SLC67A1: variants seen among roughly 807,000 people sequenced by gnomAD.
The protein encoded by SLC67A1 is solute carrier family 67 member 1.
chr11:2,919,358 A>G, the SLC67A1 span: 1 of 1,613,746 alleles, frequency 6.2e-7, no homozygotes, highest in African/African-American at 1.3e-5. Flanking sequence ...TTCCAGCTGG[A>G]GGCCGCCCAA....
At chr11:2,910,652 G>A in the SLC67A1 span, among the ~76,000 whole-genome samples, 202 of 152,258 alleles carry the variant, frequency 1.3e-3, no homozygotes, top group African/African-American at 4.5e-3. Flanking sequence ...TGTGCCGGCC[G>A]AGGTGGGGGA....
At chr11:2,912,518 C>T in the SLC67A1 span, among the ~76,000 whole-genome samples, 1 of 151,528 alleles carries the variant, frequency 6.6e-6, no homozygotes, top group Non-Finnish European at 1.5e-5. Flanking sequence ...GGCTTTCCCT[C>T]CCTGCCCACC....
chr11:2,919,390 T>C, the SLC67A1 span: 1 of 1,613,664 alleles, frequency 6.2e-7, no homozygotes, highest in East Asian at 2.2e-5. Context: ...CATGTCCTTC[T>C]TCGGGCTCCT....
chr11:2,925,137 C>A, the SLC67A1 span: 19 of 1,613,764 alleles, frequency 1.2e-5, no homozygotes, highest in Middle Eastern at 3.3e-4. This position sits in a 1 kb window ranked among gnomAD's most constrained non-coding sequence, Gnocchi z 6.5. Context: ...CTATCAATAC[C>A]CTTGTCCTCC....
At chr11:2,903,375 G>C in the SLC67A1 span, 1 of 1,612,914 alleles carries the variant, frequency 6.2e-7, no homozygotes, top group African/African-American at 1.3e-5. Flanking sequence ...CCAGGGACCA[G>C]GGCCGGTCCC....
At chr11:2,903,763 A>T in the SLC67A1 span, 1 of 511,408 alleles carries the variant, frequency 2.0e-6, no homozygotes, top group Non-Finnish European at 3.5e-6. Flanking sequence ...ACCTCCTCAA[A>T]CCTTCCTAGC....
the SLC67A1 span, among the ~76,000 whole-genome samples, chr11:2,900,692 C>CAAAAAAAAAAAAAAAAAAAAAAAA: frequency 1.7e-5 from 1 of 59,640 alleles, no homozygotes; most frequent in Non-Finnish European, 3.1e-5. Context: ...GACTCCGTCT[C>CAAAAAAAAAAAAAAAAAAAAAAAA]AAAAAAAAAA....
chr11:2,904,817 A>G, the SLC67A1 span, among the ~76,000 whole-genome samples: 1 of 152,206 alleles, frequency 6.6e-6, no homozygotes, highest in African/African-American at 2.4e-5. Flanking sequence ...GGAAGGAAGC[A>G]GGAGAGGCCC....
the SLC67A1 span, chr11:2,909,177 C>G: frequency 6.7e-7 from 1 of 1,492,334 alleles, no homozygotes; most frequent in African/African-American, 1.4e-5. Flanking sequence ...GAGGGTCCGA[C>G]CCGCCCCTCG....
At chr11:2,910,527 G>A in the SLC67A1 span, among the ~76,000 whole-genome samples, 343 of 152,238 alleles carry the variant, frequency 2.3e-3, no homozygotes, top group Middle Eastern at 0.01. Flanking sequence ...CCAGGGGGCC[G>A]TGTGGCTGGA....
the SLC67A1 span, chr11:2,915,299 GCA>G: frequency 5.5e-6 from 5 of 909,796 alleles, no homozygotes; most frequent in African/African-American, 1.8e-5. Flanking sequence ...GTGTGTGTGC[GCA>G]TGTGGCTGCG....
the SLC67A1 span, among the ~76,000 whole-genome samples, chr11:2,917,484 G>A: frequency 3.3e-5 from 5 of 152,324 alleles, no homozygotes; most frequent in South Asian, 2.1e-4. Context: ...TCGGTGAGCC[G>A]GGCTGGGGGC....
At chr11:2,915,323 C>A in the SLC67A1 span, 3 of 821,382 alleles carry the variant, frequency 3.7e-6, no homozygotes, top group African/African-American at 5.6e-5. Flanking sequence ...TGAAGAGGGG[C>A]GAGGAAAGTC....
the SLC67A1 span, among the ~76,000 whole-genome samples, chr11:2,908,792 G>C: frequency 6.6e-6 from 1 of 152,198 alleles, no homozygotes; most frequent in Non-Finnish European, 1.5e-5. Context: ...GGTTCCGCAG[G>C]CAGCAGACCA....
the SLC67A1 span, chr11:2,902,141 C>T: frequency 6.6e-6 from 1 of 152,126 alleles, no homozygotes; most frequent in African/African-American, 2.4e-5. Context: ...AGGGGAGGGG[C>T]GGGCTCGGCC....
chr11:2,923,652 C>T, the SLC67A1 span, among the ~76,000 whole-genome samples: 1 of 152,246 alleles, frequency 6.6e-6, no homozygotes, highest in African/African-American at 2.4e-5. This position sits in a 1 kb window ranked among gnomAD's most constrained non-coding sequence, Gnocchi z 6.5. Context: ...GGAGGGCTTC[C>T]TGGAGGAGGT....
the SLC67A1 span, chr11:2,922,014 G>T: frequency 3.1e-6 from 3 of 983,192 alleles, no homozygotes; most frequent in Non-Finnish European, 4.9e-6. Flanking sequence ...CCAGTCTGGA[G>T]GTCCCCAGCT....
chr11:2,917,438 G>A, the SLC67A1 span, among the ~76,000 whole-genome samples: 1 of 152,256 alleles, frequency 6.6e-6, no homozygotes, highest in African/African-American at 2.4e-5. Context: ...CAGAGCCAGA[G>A]AGGCAGGAGC....
chr11:2,909,470 GA>G, the SLC67A1 span: 1 of 1,436,322 alleles, frequency 7.0e-7, no homozygotes, highest in Non-Finnish European at 9.1e-7. Flanking sequence ...CTAAGGGCTG[GA>G]CGGGGGTGGG....
Sources: gnomAD v4.1 joint callset for allele counts (sites outside exome capture counted in the v4.1 genomes callset) on GRCh38, gnomAD v4.1.1 for gene constraint, Gnocchi (gnomAD v3.1) non-coding constraint, MANE v1.5 for transcripts, NCBI Gene and HGNC (gene_info 2026-07-23, HGNC 2026-07-21) for gene names.